Variants in ATG2B observed in about 807,000 individuals in gnomAD.
ATG2B encodes the protein autophagy-related protein 2 homolog B.
Under a neutral mutation model 241.3 loss-of-function variants are expected in ATG2B, and 121 were observed. That is an observed-to-expected ratio of 0.50 (90% confidence interval 0.43 to 0.58). The LOEUF is 0.58. ATG2B is among the 20% of genes least tolerant of loss of function. The probability of loss-of-function intolerance (pLI) is 0.00; values close to 1 mark genes in which losing one functional copy is unlikely to be tolerated. For missense variants in ATG2B, 2,306 were observed against 2,491.6 expected, an observed-to-expected ratio of 0.93 and a Z score of 1.59; for synonymous variants, 858 against 876.6, an observed-to-expected ratio of 0.98 and a Z score of 0.37.
At position 96,363,064 on chromosome 14, in the gene ATG2B, G is replaced by A. The variant is rs1236286787; in HGVS notation, c.-88C>T. On this transcript the variant is annotated 5_prime_UTR_variant, in exon 1 of 42. Transcript: ENST00000359933. ...GCGACTCCGGCTCCAGGCCGCGGCG[G>A]GGCCTAAGCCTGGGGCGGCCCCTCC... 6 of 1,516,602 alleles carry A rather than the reference G, an allele frequency of 4.0e-6. No homozygotes were observed. In the Admixed American group the frequency reaches 8.8e-5, roughly 22 times the overall value. The allele number at this position is 1,516,602 out of a possible 1,614,324, so 93.9% of individuals were successfully genotyped here.
intron 18 of ATG2B, among the ~76,000 whole-genome samples, chr14:96,319,988 G>A (rs1887417817): frequency 6.6e-6 from 1 of 152,146 alleles, no homozygotes; most frequent in Non-Finnish European, 1.5e-5. Context: ...CTAGGGGCCT[G>A]AGAGACCAAA....
chr14:96,292,815 T>C (rs1000854321), intron 36 of ATG2B, among the ~76,000 whole-genome samples: 1 of 152,210 alleles, frequency 6.6e-6, no homozygotes, highest in African/African-American at 2.4e-5. Flanking sequence ...CTGAAGTGGA[T>C]TGCTTCCAGG....
rs759436690 is a variant in ATG2B at position 96,334,443 on chromosome 14, T to G, written c.983A>C (p.His328Pro). 8 of 1,611,800 alleles carry G rather than the reference T, an allele frequency of 5.0e-6. No homozygotes were observed. The Admixed American group carries it at 1.2e-4, about 24-fold the overall frequency. ...AGCTGCCAACATATCCAAAAGCAAG[T>G]GCACCTGTCTTGGTGACAGGAGTAG... ...IHLLLSPRQV[H>P]LLLDMLAAIA... Residue 328 changes from histidine (H) to proline (P), a missense_variant, in exon 7 of 42, where the codon CAC becomes CCC. By Grantham distance (77) the His-to-Pro change is moderately conservative. Around this residue, in one of 2 missense-constraint regions of ATG2B, gnomAD observed 1,927 missense variants for 2,011.2 expected, o/e 0.96. Transcript: ENST00000359933.
rs1330210309 is a variant in ATG2B at position 96,285,299 on chromosome 14, T to C, written c.*456A>G. The C allele has an allele frequency of 6.3e-6, 1 of 159,770 alleles. No individual in the cohort carries two copies. Among genetic ancestry groups the C allele is most frequent in the Non-Finnish European group, 1.4e-5 (1 of 72,096 alleles). 9.9% of individuals were successfully genotyped at this position (159,770 alleles called of 1,614,324 possible). On this transcript the variant is annotated 3_prime_UTR_variant, in exon 42 of 42. Coordinates refer to ENST00000359933, the MANE Select transcript of ATG2B (RefSeq NM_018036.7). The surrounding 1 kb of genome is among the most constrained non-coding windows in gnomAD (Gnocchi z 4.2). ...AGAATAGGTTATTTTTCCACACTGA[T>C]ATTTATATTGAAAATCCTATTTGCT...
Position 96,332,639 on chromosome 14 carries a change from GA to G in ATG2B, c.1223del (p.Phe408SerfsTer30), listed in dbSNP as rs1392407143. 1.3e-6 allele frequency: 2 copies of G among 1,570,744 alleles called. No homozygotes were observed. The highest frequency in any genetic ancestry group is 1.7e-6 in the Non-Finnish European group (2 of 1,166,160). On this transcript the variant is annotated frameshift_variant, in exon 9 of 42. Coordinates refer to ENST00000359933, the MANE Select transcript of ATG2B (RefSeq NM_018036.7). LOFTEE classifies it high-confidence loss of function. The part of the protein sequence containing the change: ...TPSSREEEVF[F>X]SMADMDMSHS... ...GAGACATGTCCATATCAGCCATGGAGAAGAATACTTCTTCTTCTAGAGAGAA... is the reference window on the plus strand; with the variant it reads ...GAGACATGTCCATATCAGCCATGGAGAGAATACTTCTTCTTCTAGAGAGAA...
At chr14:96,342,529 C>T (rs1164925248) in intron 5 of ATG2B, among the ~76,000 whole-genome samples, 3 of 151,970 alleles carry the variant, frequency 2.0e-5, no homozygotes, top group African/African-American at 7.2e-5. Context: ...CGAGACCAGC[C>T]TGGCCAACGT....
chr14:96,315,346 A>G (rs1373805765), intron 22 of ATG2B, 38 bp downstream of exon 22: 4 of 1,599,600 alleles, frequency 2.5e-6, no homozygotes, highest in Non-Finnish European at 3.4e-6. Flanking sequence ...TTTAGCTAGA[A>G]TCAAATCAAC....
chr14:96,297,391 TTTTTGTTTTG>T (rs780525140), intron 34 of ATG2B, among the ~76,000 whole-genome samples: 2 of 152,190 alleles, frequency 1.3e-5, no homozygotes, highest in African/African-American at 4.8e-5. Context: ...TCACCAGCTT[TTTTTGTTTTG>T]TTTTGTTTTG....
At chr14:96,294,489 G>A in intron 36 of ATG2B, among the ~76,000 whole-genome samples, 1 of 152,208 alleles carries the variant, frequency 6.6e-6, no homozygotes, top group Non-Finnish European at 1.5e-5. Flanking sequence ...TCTCTTAACA[G>A]TGCCCACTGA....
chr14:96,334,411 C>T lies in ATG2B; in HGVS notation c.1015G>A (p.Gly339Arg). The T allele has an allele frequency of 6.2e-7, 1 of 1,601,966 alleles. No homozygotes were observed. The highest frequency in any genetic ancestry group is 8.5e-7 in the Non-Finnish European group (1 of 1,174,870). The change falls in exon 7 of 42, where the codon GGA becomes AGA. Residue 339 changes from glycine to arginine, a missense_variant. Coordinates refer to ENST00000359933, the MANE Select transcript of ATG2B (RefSeq NM_018036.7). ...LLLDMLAAIA[G>R]PENSSKIGLA... ...ATAACAGAATTATACTTGCCTGGTC[C>T]AGCAATAGCTGCCAACATATCCAAA... is the stretch of plus-strand genomic sequence containing the variant.
Position 96,325,732 on chromosome 14 carries a change from G to A in ATG2B, c.2354C>T (p.Thr785Ile), listed in dbSNP as rs1887571261. The A allele has an allele frequency of 2.5e-6, 4 of 1,613,692 alleles. No homozygotes were observed. Among genetic ancestry groups the A allele is most frequent in the Middle Eastern group, 1.6e-4 (1 of 6,078 alleles). The change falls in exon 15 of 42, where the codon ACA becomes ATA. Residue 785 changes from threonine to isoleucine, a missense_variant. By Grantham distance (89) the Thr-to-Ile change is moderately conservative. Transcript: ENST00000359933. ...LQKEILYLAF[T>I]DLEFKTEFIG... ...AAATTCAGTCTTAAATTCTAGATCT[G>A]TGAAGGCTAAATAAAGGATCTCCTT...
Position 96,333,818 on chromosome 14 carries a change from C to T in ATG2B, c.1077G>A (p.Gln359=). The change falls in exon 8 of 42, where the codon CAG becomes CAA. Residue 359 remains glutamine, a synonymous_variant. Transcript: ENST00000359933. Reference sequence around the variant, plus strand: ...TCTGAATTCGATACTCGTCTTCCTGCTGCATGGGTCGATTTTTCCTATCTT... The same window carrying T: ...TCTGAATTCGATACTCGTCTTCCTGTTGCATGGGTCGATTTTTCCTATCTT... ...ANKDRKNRPM[Q]QEDEYRIQME... The T allele has an allele frequency of 2.5e-6, 4 of 1,613,880 alleles. No individual in the cohort carries two copies. Among genetic ancestry groups the T allele is most frequent in the Middle Eastern group, 1.7e-4 (1 of 6,060 alleles).
chr14:96,295,916 C>T (rs1477469635), intron 34 of ATG2B, among the ~76,000 whole-genome samples: 1 of 152,204 alleles, frequency 6.6e-6, no homozygotes, highest in Admixed American at 6.5e-5. Flanking sequence ...GGCCCTGGCT[C>T]TCATTCTGCA....
intron 17 of ATG2B, 65 bp from the exon 18 acceptor site, chr14:96,322,319 T>G: frequency 6.5e-7 from 1 of 1,535,520 alleles, no homozygotes; most frequent in Admixed American, 2.3e-5. Context: ...TAGCATCTTC[T>G]TAGCCTATCC....
At chr14:96,353,556 G>C (rs1888389220) in intron 1 of ATG2B, among the ~76,000 whole-genome samples, 1 of 151,968 alleles carries the variant, frequency 6.6e-6, no homozygotes, top group African/African-American at 2.4e-5. Flanking sequence ...AACCTGGGAG[G>C]CTGAGGTTGC....
chr14:96,294,955 G>A lies in ATG2B; in HGVS notation c.5426+5C>T, dbSNP rs1436606640. ...TTCATTTGTTATTAAAACTAAATTA[G>A]TTACCTAAAAAACACAGGCTGATCC... On this transcript the variant is annotated splice_donor_5th_base_variant and intron_variant, in intron 36 of 41. Transcript: ENST00000359933. 1 of 1,612,232 alleles carries A rather than the reference G, an allele frequency of 6.2e-7. No homozygotes were observed. The highest frequency in any genetic ancestry group is 8.5e-7 in the Non-Finnish European group (1 of 1,178,740).
chr14:96,290,639 T>G lies in ATG2B; in HGVS notation c.5702-49A>C. On this transcript the variant is annotated intron_variant, in intron 39 of 41. Coordinates refer to ENST00000359933, the MANE Select transcript of ATG2B (RefSeq NM_018036.7). The surrounding 1 kb of genome is among the most constrained non-coding windows in gnomAD (Gnocchi z 4.4). ...ACATCAGTGCCACAGTTCAGACTTT[T>G]CTATCATTCTAACCCTGGGGTTTTT... 6.2e-7 allele frequency: 1 copy of G among 1,605,652 alleles called. No individual in the cohort carries two copies. Among genetic ancestry groups the G allele is most frequent in the South Asian group, 1.1e-5 (1 of 90,262 alleles).
At position 96,311,288 on chromosome 14, in the gene ATG2B, C is replaced by T; in HGVS notation, c.3991-1G>A. 1 of 1,591,104 alleles carries T rather than the reference C, an allele frequency of 6.3e-7. No homozygotes were observed. Among genetic ancestry groups the T allele is most frequent in the South Asian group, 1.2e-5 (1 of 86,564 alleles). ...AGTGTAACTCAAAGCGGGGCTCAGT[C>T]TGGACAAGACACAGAAAAAGGGATG... On this transcript the variant is annotated splice_acceptor_variant, in intron 27 of 41. Transcript: ENST00000359933. LOFTEE classifies it high-confidence loss of function.
chr14:96,333,976 C>T (rs1887807661), intron 7 of ATG2B, 103 bp from the exon 8 acceptor site: 1 of 952,152 alleles, frequency 1.1e-6, no homozygotes, highest in South Asian at 1.4e-5. Context: ...CAACTTAACA[C>T]CACAGTGCAA....
Sources: gnomAD v4.1 joint callset for allele counts (sites outside exome capture counted in the v4.1 genomes callset) on GRCh38, gnomAD v4.1.1 for gene constraint, gnomAD v4.1.1 regional missense constraint, Gnocchi (gnomAD v3.1) non-coding constraint, MANE v1.5 for transcripts, NCBI Gene and HGNC (gene_info 2026-07-23, HGNC 2026-07-21) for gene names.